ADCY8: variants seen among roughly 807,000 people sequenced by gnomAD.
ADCY8 encodes adenylate cyclase 8, also known as adenylate cyclase type 8.
ADCY8 carries 51 observed loss-of-function variants against 119.7 expected under a neutral mutation model. The ratio of observed to expected loss-of-function variants is 0.43; its 90% CI spans 0.34 to 0.54. ADCY8 has a LOEUF of 0.54. ADCY8 is among the 20% of genes least tolerant of loss of function. The probability of loss-of-function intolerance (pLI) is 0.03; values close to 1 mark genes in which losing one functional copy is unlikely to be tolerated. For missense variants in ADCY8, 1,383 were observed against 1,598.8 expected (o/e 0.87, Z 2.30); for synonymous variants, 665 against 651.0 (o/e 1.02, Z -0.33).
intron 8 of ADCY8, among the ~76,000 whole-genome samples, chr8:130,869,638 C>T (rs1818264001): frequency 6.6e-6 from 1 of 151,614 alleles, no homozygotes; most frequent in South Asian, 2.1e-4. Context: ...CTGCCTCAGC[C>T]TCCCGAGTAG....
chr8:130,823,610 A>C (rs1165090615), intron 12 of ADCY8, among the ~76,000 whole-genome samples: 2 of 152,238 alleles, frequency 1.3e-5, no homozygotes, highest in Non-Finnish European at 2.9e-5. Flanking sequence ...TGTAATTTTC[A>C]GGGCTATAAC....
intron 1 of ADCY8, among the ~76,000 whole-genome samples, chr8:131,004,050 G>A (rs1563763773): frequency 6.6e-6 from 1 of 152,008 alleles, no homozygotes; most frequent in South Asian, 2.1e-4. Flanking sequence ...TAACTGCAGA[G>A]AAAAAAAGGT....
intron 14 of ADCY8, among the ~76,000 whole-genome samples, chr8:130,811,312 T>A (rs552170083): frequency 6.6e-6 from 1 of 152,302 alleles, no homozygotes; most frequent in Admixed American, 6.5e-5. Flanking sequence ...AGCTCTGCCC[T>A]CTATGGTCCT....
chr8:131,031,111 C>T (rs1049906187), intron 1 of ADCY8, among the ~76,000 whole-genome samples: 2 of 152,018 alleles, frequency 1.3e-5, no homozygotes, highest in African/African-American at 4.8e-5. Flanking sequence ...TATCTCCCTA[C>T]ATAGGATATT....
At chr8:130,817,151 A>G (rs263271) in intron 13 of ADCY8, among the ~76,000 whole-genome samples, 126,738 of 152,216 alleles carry the variant, frequency 0.83, 52,853 homozygotes, top group East Asian at 0.91. Flanking sequence ...CTATTATAGT[A>G]AATCACAAGA....
intron 16 of ADCY8, 80 bp from the exon 17 acceptor site, chr8:130,783,885 G>T: frequency 8.9e-7 from 1 of 1,121,066 alleles, no homozygotes; most frequent in Non-Finnish European, 1.3e-6. Context: ...GGGGCTTTAC[G>T]TCCTAACCCA....
chr8:130,796,902 C>G (rs142198190), intron 15 of ADCY8, among the ~76,000 whole-genome samples: 17 of 151,948 alleles, frequency 1.1e-4, no homozygotes, highest in African/African-American at 4.1e-4. Context: ...TGCCCATGTT[C>G]TAAAGAACCC....
At position 130,849,842 on chromosome 8, in the gene ADCY8, TTGTC is replaced by T. The variant is rs1223127027; in HGVS notation, c.2211-43_2211-40del. The T allele has an allele frequency of 2.5e-6, 4 of 1,569,038 alleles. No individual in the cohort carries two copies. The Admixed American group carries it at 7.0e-5, about 27-fold the overall frequency. ...CAGAATGTTGGGTCATTGGCATCAA[TTGTC>T]TGAGCAACACTGAAATTCTATTCCT... On this transcript the variant is annotated intron_variant, in intron 9 of 17. Coordinates refer to ENST00000286355, the MANE Select transcript of ADCY8 (RefSeq NM_001115.3).
At chr8:131,029,182 C>T (rs1330204418) in intron 1 of ADCY8, among the ~76,000 whole-genome samples, 1 of 152,208 alleles carries the variant, frequency 6.6e-6, no homozygotes, top group East Asian at 1.9e-4. Context: ...CTGCAAGCTC[C>T]TTATGAGAAT....
chr8:131,033,133 C>A (rs1824046361), intron 1 of ADCY8, among the ~76,000 whole-genome samples: 1 of 152,122 alleles, frequency 6.6e-6, no homozygotes, highest in Non-Finnish European at 1.5e-5. Context: ...CTATTTGGTG[C>A]TGAGAGGAAA....
At chr8:130,904,386 G>T (rs774588910) in intron 6 of ADCY8, among the ~76,000 whole-genome samples, 6 of 151,830 alleles carry the variant, frequency 4.0e-5, no homozygotes, top group Non-Finnish European at 8.8e-5. Flanking sequence ...CAGTCGTGTT[G>T]ATTATATTGG....
At chr8:131,024,075 C>A (rs564973297) in intron 1 of ADCY8, among the ~76,000 whole-genome samples, 18 of 152,142 alleles carry the variant, frequency 1.2e-4, no homozygotes, top group Non-Finnish European at 1.8e-4. Flanking sequence ...CAGTGTAGTT[C>A]TTGTTTCTAG....
chr8:130,907,611 T>G, intron 6 of ADCY8, among the ~76,000 whole-genome samples: 1 of 152,206 alleles, frequency 6.6e-6, no homozygotes, highest in East Asian at 1.9e-4. Context: ...TCTTCCAGAC[T>G]TCATAACTGG....
At chr8:130,827,555 T>C (rs577453541) in intron 12 of ADCY8, among the ~76,000 whole-genome samples, 4 of 152,340 alleles carry the variant, frequency 2.6e-5, no homozygotes, top group African/African-American at 9.6e-5. Flanking sequence ...CAGTCTTTTC[T>C]CTTGGAAGTC....
intron 12 of ADCY8, among the ~76,000 whole-genome samples, 164 bp from the exon 13 acceptor site, chr8:130,821,584 C>A (rs1816511319): frequency 6.6e-6 from 1 of 152,154 alleles, no homozygotes. Flanking sequence ...TTGGCTAATT[C>A]AAAAATCAAT....
At chr8:130,994,328 C>G (rs1822697147) in intron 1 of ADCY8, among the ~76,000 whole-genome samples, 1 of 152,202 alleles carries the variant, frequency 6.6e-6, no homozygotes, top group South Asian at 2.1e-4. Context: ...CTGGGGCATT[C>G]TTTCTATGAA....
chr8:130,946,348 A>C (rs1290419385), intron 3 of ADCY8, among the ~76,000 whole-genome samples: 1 of 152,036 alleles, frequency 6.6e-6, no homozygotes, highest in Non-Finnish European at 1.5e-5. Flanking sequence ...ATATCATCAA[A>C]CTTCTCCAGG....
chr8:131,028,687 T>A (rs1048578896), intron 1 of ADCY8, among the ~76,000 whole-genome samples: 7 of 152,186 alleles, frequency 4.6e-5, no homozygotes, highest in African/African-American at 1.7e-4. Flanking sequence ...ACTGGTCCAG[T>A]TAGGGTACAA....
At position 130,890,665 on chromosome 8, in the gene ADCY8, T is replaced by A. The variant is rs6998875; in HGVS notation, c.1912-5904A>T. Among the ~76,000 whole-genome samples the A allele has an allele frequency of 1.1e-3, 174 of 152,000 alleles. 1 individual carries two copies. The highest frequency in any genetic ancestry group is 3.9e-3 in the African/African-American group (163 of 41,460). On this transcript the variant is annotated intron_variant, in intron 7 of 17. Transcript: ENST00000286355. Reference sequence around the variant, plus strand: ...TGAGGTTTTATTCAGACTTTTGGGATCCAGAGAATGTCACTCCCATTACTA... The same window carrying A: ...TGAGGTTTTATTCAGACTTTTGGGAACCAGAGAATGTCACTCCCATTACTA...
Sources: allele counts gnomAD v4.1 joint callset (sites outside exome capture counted in the v4.1 genomes callset), GRCh38; gene constraint gnomAD v4.1.1; transcripts MANE v1.5; gene names NCBI Gene and HGNC (gene_info 2026-07-23, HGNC 2026-07-21).